The following SGCZ variants were observed in gnomAD, a reference collection of about 807,000 sequenced individuals.
SGCZ encodes the protein zeta-sarcoglycan.
SGCZ carries 40 observed loss-of-function variants against 41.3 expected under a neutral mutation model. That is an observed-to-expected ratio of 0.97 (90% confidence interval 0.75 to 1.26). The LOEUF (loss-of-function observed/expected upper bound fraction) is 1.26. Among genes scored for constraint, SGCZ ranks in the 50% most tolerant of loss-of-function variants. The pLI is 0.00. For synonymous variants in SGCZ, 206 were observed against 137.5 expected (o/e 1.50, Z -3.49); for missense variants, 552 against 369.8 (o/e 1.49, Z -4.04).
rs1349024566 is a variant in SGCZ at position 14,087,362 on chromosome 8, T to C, written c.*3081A>G. Among the ~76,000 whole-genome samples the C allele has an allele frequency of 6.6e-6, 1 of 151,628 alleles. No individual in the cohort carries two copies. Among genetic ancestry groups the C allele is most frequent in the Non-Finnish European group, 1.5e-5 (1 of 67,724 alleles). ...TGAAAAAGAAAAGAATAATGTGTCCTCTTTGCATCTTTCCTTTTGTGATCC... is the reference window on the plus strand; with the variant it reads ...TGAAAAAGAAAAGAATAATGTGTCCCCTTTGCATCTTTCCTTTTGTGATCC... On this transcript the variant is annotated 3_prime_UTR_variant, in exon 8 of 8. Coordinates refer to ENST00000382080, the MANE Select transcript of SGCZ (RefSeq NM_139167.4).
intron 2 of SGCZ, among the ~76,000 whole-genome samples, chr8:14,431,408 T>C (rs962755954): frequency 1.3e-5 from 2 of 152,180 alleles, no homozygotes; most frequent in Non-Finnish European, 2.9e-5. Flanking sequence ...CAAGTGATCT[T>C]TGACAAAGCA....
chr8:14,231,247 G>C (rs893430372), intron 4 of SGCZ, among the ~76,000 whole-genome samples: 5 of 151,042 alleles, frequency 3.3e-5, no homozygotes, highest in Admixed American at 2.0e-4. Flanking sequence ...GAGAGAGAGA[G>C]AGACACAGAG....
intron 1 of SGCZ, among the ~76,000 whole-genome samples, chr8:14,851,665 T>G (rs1803328843): frequency 6.6e-6 from 1 of 152,192 alleles, no homozygotes; most frequent in Admixed American, 6.5e-5. Context: ...TATATTTTAA[T>G]ACTTTTGTAT....
chr8:14,181,359 C>A (rs189138262), intron 4 of SGCZ, among the ~76,000 whole-genome samples: 2 of 152,304 alleles, frequency 1.3e-5, no homozygotes, highest in East Asian at 3.9e-4. Flanking sequence ...AAATACTCTG[C>A]TTTTCTAATG....
At chr8:14,231,538 T>A (rs1806572086) in intron 4 of SGCZ, among the ~76,000 whole-genome samples, 3 of 151,350 alleles carry the variant, frequency 2.0e-5, no homozygotes, top group Non-Finnish European at 2.9e-5. Flanking sequence ...ACACACCATG[T>A]CTTGCAGTTA....
At chr8:14,619,241 C>A (rs563007311) in intron 1 of SGCZ, among the ~76,000 whole-genome samples, 24 of 152,154 alleles carry the variant, frequency 1.6e-4, no homozygotes, top group Non-Finnish European at 3.1e-4. Flanking sequence ...AATTCAACAA[C>A]CTTCATGCTA....
rs1161275845 is a variant in SGCZ at position 15,195,885 on chromosome 8, C to A, written c.39+41700G>T. The stretch of plus-strand genomic sequence containing the variant: ...ATAATGGGTTTTATACATCCTTAGG[C>A]TTCGATTTTTTTTTTTTTTTTTTTT... On this transcript the variant is annotated intron_variant, in intron 1 of 7. Transcript: ENST00000382080. Among the ~76,000 whole-genome samples, 8 of 140,500 alleles carry A rather than the reference C, an allele frequency of 5.7e-5. No homozygotes were observed. In the East Asian group the frequency reaches 1.2e-3, roughly 22 times the overall value. The allele number at this position is 140,500 out of a possible 152,430, so 92.2% of individuals were successfully genotyped here.
chr8:14,349,246 G>C (rs541553327), intron 2 of SGCZ, among the ~76,000 whole-genome samples: 3 of 152,204 alleles, frequency 2.0e-5, no homozygotes, highest in East Asian at 3.9e-4. Flanking sequence ...TCTTTGCAGG[G>C]AGAAGGTACT....
intron 1 of SGCZ, among the ~76,000 whole-genome samples, chr8:14,981,104 T>C (rs1801649702): frequency 6.6e-6 from 1 of 152,146 alleles, no homozygotes; most frequent in Non-Finnish European, 1.5e-5. Flanking sequence ...TACCAACTCA[T>C]ATTTGCTGTG....
At chr8:15,027,619 A>C (rs1443539647) in intron 1 of SGCZ, among the ~76,000 whole-genome samples, 4 of 152,034 alleles carry the variant, frequency 2.6e-5, no homozygotes, top group Non-Finnish European at 2.9e-5. Context: ...GATTTCCGTT[A>C]ATCTGAAGAT....
intron 1 of SGCZ, among the ~76,000 whole-genome samples, chr8:14,664,110 T>C (rs1585164594): frequency 6.6e-6 from 1 of 152,220 alleles, no homozygotes; most frequent in Non-Finnish European, 1.5e-5. Context: ...GAGGACTAAA[T>C]GGTTCCAAGT....
intron 1 of SGCZ, among the ~76,000 whole-genome samples, chr8:15,010,967 G>C (rs1321825573): frequency 6.6e-6 from 1 of 152,166 alleles, no homozygotes; most frequent in Non-Finnish European, 1.5e-5. Context: ...TCAAAAATTG[G>C]ACAGTGCTTC....
chr8:15,159,973 A>G (rs1025407850), intron 1 of SGCZ, among the ~76,000 whole-genome samples: 4 of 151,922 alleles, frequency 2.6e-5, no homozygotes, highest in African/African-American at 7.3e-5. Flanking sequence ...TAGGAGACAG[A>G]ACAGCAGCAT....
chr8:14,170,623 G>T (rs565527111), intron 4 of SGCZ, among the ~76,000 whole-genome samples: 1 of 151,962 alleles, frequency 6.6e-6, no homozygotes, highest in Non-Finnish European at 1.5e-5. Flanking sequence ...TTTATTTAAG[G>T]GTCCCAATGG....
At chr8:14,207,549 T>C (rs1805657428) in intron 4 of SGCZ, among the ~76,000 whole-genome samples, 1 of 152,202 alleles carries the variant, frequency 6.6e-6, no homozygotes, top group Non-Finnish European at 1.5e-5. Flanking sequence ...ATTTAAAGCT[T>C]AAATATCTTT....
Position 15,061,492 on chromosome 8 carries a change from T to C in SGCZ, c.39+176093A>G, listed in dbSNP as rs193185515. On this transcript the variant is annotated intron_variant, in intron 1 of 7. Transcript: ENST00000382080. ...CATGTGTATACCTAAGTAACAAACC[T>C]GCACGTTCTGCACATGTATCCCAGA... 5.0e-3 allele frequency among the ~76,000 whole-genome samples: 752 copies of C among 149,746 alleles called. 10 individuals are homozygous for C. The highest frequency in any genetic ancestry group is 4.0e-3 in the Non-Finnish European group (270 of 67,670).
chr8:14,726,453 T>C (rs1810060493), intron 1 of SGCZ, among the ~76,000 whole-genome samples: 1 of 150,910 alleles, frequency 6.6e-6, no homozygotes, highest in African/African-American at 2.4e-5. Context: ...TTTATGTAAG[T>C]CATTTAACAA....
intron 3 of SGCZ, among the ~76,000 whole-genome samples, chr8:14,260,244 T>G (rs2117231405): frequency 6.6e-6 from 1 of 151,854 alleles, no homozygotes. Flanking sequence ...TCAAACAAAT[T>G]TACAAGCAAA....
intron 1 of SGCZ, among the ~76,000 whole-genome samples, chr8:14,902,503 C>A (rs955905902): frequency 3.3e-5 from 5 of 151,984 alleles, no homozygotes; most frequent in Non-Finnish European, 7.4e-5. Context: ...AGGTATATAA[C>A]CTAAACATAA....
Sources: allele counts gnomAD v4.1 joint callset (sites outside exome capture counted in the v4.1 genomes callset), GRCh38; gene constraint gnomAD v4.1.1; transcripts MANE v1.5; gene names NCBI Gene and HGNC (gene_info 2026-07-23, HGNC 2026-07-21).